Variants in MAP3K20 observed in about 807,000 individuals in gnomAD.
MAP3K20 encodes the protein mitogen-activated protein kinase kinase kinase 20.
In MAP3K20, 40 loss-of-function variants were observed where a neutral mutation model predicts 85.7. That is an observed-to-expected ratio of 0.47 (90% confidence interval 0.36 to 0.61). The LOEUF is 0.61. MAP3K20 is among the 20% of genes least tolerant of loss of function. MAP3K20 has a pLI of 0.00. For synonymous variants in MAP3K20, 325 were observed against 327.7 expected (o/e 0.99, Z 0.09); for missense variants, 817 against 961.7 (o/e 0.85, Z 1.99).
At chr2:173,105,052 T>C (rs1207387476) in intron 2 of MAP3K20, among the ~76,000 whole-genome samples, 1 of 152,160 alleles carries the variant, frequency 6.6e-6, no homozygotes, top group Non-Finnish European at 1.5e-5. Context: ...TAGGCAATTA[T>C]AAGAGCCTCC....
intron 1 of MAP3K20, among the ~76,000 whole-genome samples, chr2:173,076,242 C>G (rs1202035551): frequency 1.3e-5 from 2 of 151,888 alleles, no homozygotes; most frequent in Admixed American, 1.3e-4. Context: ...CTCGCGGGAC[C>G]TTGGCCGCGG....
intron 12 of MAP3K20, 61 bp from the exon 13 acceptor site, chr2:173,232,131 T>C: frequency 1.9e-6 from 3 of 1,598,306 alleles, no homozygotes. Flanking sequence ...ATGTTTACTG[T>C]GAAGACTGGC....
rs564989644 is a variant in MAP3K20 at position 173,254,269 on chromosome 2, A to C, written c.1360-4430A>C. On this transcript the variant is annotated intron_variant, in intron 16 of 19. Coordinates refer to ENST00000375213, the MANE Select transcript of MAP3K20 (RefSeq NM_016653.3). ...TCTCTCCTAAAAATACAAAAAAAAA[A>C]CACAAAAAATTAGCTGGGCGTGGTG... Among the ~76,000 whole-genome samples the C allele has an allele frequency of 3.9e-3, 585 of 148,956 alleles. 3 individuals carry two copies. The highest frequency in any genetic ancestry group is 0.012 in the African/African-American group (504 of 40,708).
chr2:173,117,334 A>G (rs1688154131), intron 2 of MAP3K20, among the ~76,000 whole-genome samples: 1 of 152,196 alleles, frequency 6.6e-6, no homozygotes, highest in Non-Finnish European at 1.5e-5. Context: ...GCTGGAGTGC[A>G]GTGGCACAAT....
intron 2 of MAP3K20, among the ~76,000 whole-genome samples, chr2:173,112,798 G>A (rs1045843842): frequency 8.0e-5 from 12 of 149,564 alleles, no homozygotes; most frequent in African/African-American, 2.9e-4. Context: ...TTTTTGATAT[G>A]TTGTTGGATT....
At chr2:173,105,421 T>A (rs1240633944) in intron 2 of MAP3K20, among the ~76,000 whole-genome samples, 1 of 152,206 alleles carries the variant, frequency 6.6e-6, no homozygotes, top group Non-Finnish European at 1.5e-5. Flanking sequence ...AGGAGCAGGT[T>A]TGTGAGCAGG....
chr2:173,131,244 A>G (rs962499817), intron 2 of MAP3K20, among the ~76,000 whole-genome samples: 1 of 152,238 alleles, frequency 6.6e-6, no homozygotes, highest in Non-Finnish European at 1.5e-5. Context: ...TATATGCCTT[A>G]TAGAATACAA....
intron 2 of MAP3K20, among the ~76,000 whole-genome samples, chr2:173,119,523 G>T (rs148912059): frequency 6.6e-6 from 1 of 152,312 alleles, no homozygotes; most frequent in African/African-American, 2.4e-5. Flanking sequence ...GCACTGTATT[G>T]ACACAGGTTA....
At chr2:173,139,972 C>A (rs1289270474) in intron 2 of MAP3K20, among the ~76,000 whole-genome samples, 1 of 151,908 alleles carries the variant, frequency 6.6e-6, no homozygotes, top group South Asian at 2.1e-4. Flanking sequence ...AGTAAAAAAG[C>A]AGTTTTCCTT....
intron 2 of MAP3K20, among the ~76,000 whole-genome samples, chr2:173,154,207 G>A (rs35865494): frequency 0.016 from 2,364 of 152,178 alleles, 22 homozygotes; most frequent in Non-Finnish European, 0.026. Flanking sequence ...TTTTTGAGAT[G>A]GGATCTTTTT....
chr2:173,229,832 A>G, intron 12 of MAP3K20, 99 bp downstream of exon 12: 1 of 1,338,732 alleles, frequency 7.5e-7, no homozygotes, highest in Non-Finnish European at 1.1e-6. Flanking sequence ...AGGAAAGTCT[A>G]ACTAGGAGAG....
intron 11 of MAP3K20, among the ~76,000 whole-genome samples, chr2:173,219,464 T>G (rs184477585): frequency 2.0e-5 from 3 of 152,312 alleles, no homozygotes; most frequent in Non-Finnish European, 4.4e-5. Context: ...CTGAGACACA[T>G]TTATAGAGAT....
chr2:173,089,186 A>AC (rs1275897126), intron 1 of MAP3K20, among the ~76,000 whole-genome samples: 6 of 151,932 alleles, frequency 3.9e-5, no homozygotes, highest in African/African-American at 1.2e-4. Context: ...TTTTATTTAA[A>AC]AAAAAAAAAC....
At chr2:173,095,869 A>G (rs1156691685) in intron 2 of MAP3K20, among the ~76,000 whole-genome samples, 2 of 152,264 alleles carry the variant, frequency 1.3e-5, no homozygotes, top group East Asian at 1.9e-4. Context: ...TTGTGTCTGT[A>G]TGGTGCTTTT....
intron 11 of MAP3K20, chr2:173,226,971 G>A: frequency 1.0e-6 from 1 of 985,628 alleles, no homozygotes; most frequent in Non-Finnish European, 1.2e-6. Flanking sequence ...TTTTACTCTT[G>A]TGTGGTAAGA....
chr2:173,186,711 GAAAT>G (rs1392594650), intron 4 of MAP3K20, among the ~76,000 whole-genome samples: 1 of 152,032 alleles, frequency 6.6e-6, no homozygotes, highest in Non-Finnish European at 1.5e-5. Context: ...AACAACTTGA[GAAAT>G]AAAGAGGATA....
Position 173,134,424 on chromosome 2 carries a change from A to ATTT in MAP3K20, c.160-35380_160-35379insTTT, listed in dbSNP as rs1315509260. On this transcript the variant is annotated intron_variant, in intron 2 of 19. Transcript: ENST00000375213. ...TATATATATATATATATATATATAT[A>ATTT]TATATTTTTTTTTTTTTTTTTTTGC... 7.4e-3 allele frequency among the ~76,000 whole-genome samples: 37 copies of ATTT among 5,024 alleles called. 2 individuals carry two copies. The highest frequency in any genetic ancestry group is 0.022 in the East Asian group (5 of 230). 3.3% of individuals were successfully genotyped at this position (5,024 alleles called of 152,430 possible).
intron 17 of MAP3K20, 34 bp downstream of exon 17, chr2:173,258,849 G>A: frequency 7.6e-7 from 1 of 1,316,330 alleles, no homozygotes; most frequent in Non-Finnish European, 1.1e-6. Context: ...AAGCTCTTTT[G>A]AATTCACAGA....
chr2:173,107,625 G>A (rs965500086), intron 2 of MAP3K20, among the ~76,000 whole-genome samples: 2 of 152,176 alleles, frequency 1.3e-5, no homozygotes, highest in Non-Finnish European at 2.9e-5. Flanking sequence ...AAGCAATATG[G>A]CTTCGTGTTT....
Sources: gnomAD v4.1 joint callset for allele counts (sites outside exome capture counted in the v4.1 genomes callset) on GRCh38, gnomAD v4.1.1 for gene constraint, MANE v1.5 for transcripts, NCBI Gene and HGNC (gene_info 2026-07-23, HGNC 2026-07-21) for gene names.